The following AVEN variants were observed in gnomAD, a reference collection of about 807,000 sequenced individuals.
AVEN encodes the protein apoptosis and caspase activation inhibitor, also known as cell death regulator Aven.
A neutral mutation model predicts 38.1 loss-of-function variants in AVEN; 41 were observed. That is an observed-to-expected ratio of 1.08 (90% CI 0.84 to 1.40). The LOEUF is 1.40. AVEN is among the 40% of genes most tolerant of loss of function. The pLI, the probability that AVEN is intolerant of heterozygous loss-of-function variation, is 0.00. For missense variants in AVEN, 605 were observed against 438.8 expected, an observed-to-expected ratio of 1.38 and a Z score of -3.38; for synonymous variants, 206 against 171.8, an observed-to-expected ratio of 1.20 and a Z score of -1.56.
At chr15:33,966,641 T>C (rs1351000971) in intron 2 of AVEN, among the ~76,000 whole-genome samples, 1 of 83,040 alleles carries the variant, frequency 1.2e-5, no homozygotes, top group Non-Finnish European at 2.4e-5. Context: ...TTCTCTTTCA[T>C]CCAGCCAATT....
intron 2 of AVEN, among the ~76,000 whole-genome samples, chr15:33,878,212 T>G (rs1166788607): frequency 6.6e-6 from 1 of 152,206 alleles, no homozygotes; most frequent in African/African-American, 2.4e-5. Context: ...TTTTTTAAAA[T>G]ATATGAAACG....
At chr15:33,871,180 A>C (rs1379123871) in intron 3 of AVEN, 150 bp from the exon 4 acceptor site, 2 of 442,534 alleles carry the variant, frequency 4.5e-6, no homozygotes, top group Non-Finnish European at 7.5e-6. Flanking sequence ...GAGTTTCTGC[A>C]TCTCCACATT....
intron 1 of AVEN, among the ~76,000 whole-genome samples, chr15:34,010,735 T>C (rs1369260874): frequency 6.6e-6 from 1 of 152,212 alleles, no homozygotes; most frequent in Admixed American, 6.5e-5. Context: ...TGATTACTAA[T>C]GTCAAATATT....
intron 2 of AVEN, among the ~76,000 whole-genome samples, chr15:34,002,165 T>A (rs1391523456): frequency 6.6e-6 from 1 of 152,108 alleles, no homozygotes; most frequent in East Asian, 1.9e-4. Flanking sequence ...CTTATTCAAA[T>A]TTATTCATAC....
At chr15:34,014,735 T>C (rs907307752) in intron 1 of AVEN, among the ~76,000 whole-genome samples, 1 of 152,114 alleles carries the variant, frequency 6.6e-6, no homozygotes, top group Non-Finnish European at 1.5e-5. Context: ...CTAAATATGT[T>C]GGGTCTACTC....
rs571966690 is a variant in AVEN at position 33,860,685 on chromosome 15, C to G, written n.2730-1591G>C. The G allele has an allele frequency of 6.7e-6, 10 of 1,496,216 alleles. No homozygotes were observed. The South Asian group carries it at 1.2e-4, about 18-fold the overall frequency. The allele number at this position is 1,496,216 out of a possible 1,614,324, so 92.7% of individuals were successfully genotyped here. On this transcript the variant is annotated intron_variant and non_coding_transcript_variant, in intron 11 of 11. Coordinates refer to the AVEN transcript ENST00000675287. ...GTAATGTTACTCTAACTACTAATCCCAGCTCTATTTTAATATCCCCAGAAG... is the reference window on the plus strand; with the variant it reads ...GTAATGTTACTCTAACTACTAATCCGAGCTCTATTTTAATATCCCCAGAAG...
At chr15:33,906,712 G>A (rs559417658) in intron 2 of AVEN, among the ~76,000 whole-genome samples, 1 of 152,294 alleles carries the variant, frequency 6.6e-6, no homozygotes, top group Admixed American at 6.5e-5. Flanking sequence ...TAACATGGTG[G>A]TTGCCAGGGG....
intron 2 of AVEN, among the ~76,000 whole-genome samples, chr15:33,961,289 G>A (rs968426442): frequency 6.6e-6 from 1 of 152,114 alleles, no homozygotes; most frequent in Non-Finnish European, 1.5e-5. Flanking sequence ...GATTACAGGC[G>A]TGAGCCACCA....
chr15:33,854,446 C>A, downstream of AVEN: 1 of 1,571,382 alleles, frequency 6.4e-7, no homozygotes, highest in Non-Finnish European at 8.6e-7. Context: ...TTTTTACTGA[C>A]AACGTAAGTA....
chr15:33,864,582 C>T (rs939950653), downstream of AVEN, among the ~76,000 whole-genome samples: 2 of 151,224 alleles, frequency 1.3e-5, no homozygotes, highest in African/African-American at 4.8e-5. Context: ...ACACAGGAGC[C>T]TGGAGGTGTG....
intron 2 of AVEN, among the ~76,000 whole-genome samples, chr15:33,887,428 C>T (rs1891750106): frequency 6.6e-6 from 1 of 152,094 alleles, no homozygotes; most frequent in African/African-American, 2.4e-5. Flanking sequence ...GGGTAAAATT[C>T]TAGTTTCCAG....
At chr15:33,876,239 T>C (rs757180880) in intron 2 of AVEN, among the ~76,000 whole-genome samples, 24 of 152,184 alleles carry the variant, frequency 1.6e-4, no homozygotes, top group Non-Finnish European at 2.8e-4. Context: ...ATAAAATCAC[T>C]ACTCTTAGTC....
chr15:33,909,672 A>G (rs1892844300), intron 2 of AVEN, among the ~76,000 whole-genome samples: 1 of 152,252 alleles, frequency 6.6e-6, no homozygotes, highest in South Asian at 2.1e-4. Context: ...CCAAGCTACC[A>G]GTTAAAAAAC....
At chr15:33,996,525 C>A (rs1896944323) in intron 2 of AVEN, among the ~76,000 whole-genome samples, 1 of 152,216 alleles carries the variant, frequency 6.6e-6, no homozygotes, top group Non-Finnish European at 1.5e-5. Context: ...GCAATATTTG[C>A]TGTTCTGCAG....
intron 1 of AVEN, among the ~76,000 whole-genome samples, chr15:34,027,335 C>T (rs1327086878): frequency 2.0e-5 from 3 of 151,658 alleles, no homozygotes; most frequent in African/African-American, 7.3e-5. Context: ...GCCAACATGG[C>T]GAAACTCTGT....
chr15:33,950,752 T>C (rs1431895374), intron 2 of AVEN, among the ~76,000 whole-genome samples: 1 of 152,200 alleles, frequency 6.6e-6, no homozygotes, highest in East Asian at 1.9e-4. Flanking sequence ...ACACCTGTAA[T>C]CTCAGCACTT....
rs1890505609 is a variant in AVEN, at chr15:33,866,427, C to CAA, written c.*184_*185dup. On this transcript the variant is annotated 3_prime_UTR_variant, in exon 6 of 6. Transcript: ENST00000306730. ...GATTACTAAGCCAGAAAAACAAATG[C>CAA]AACAAGCTGCTTCAATGTATTCTTT... 1 of 587,200 alleles carries CAA rather than the reference C, an allele frequency of 1.7e-6. No homozygotes were observed. The highest frequency in any genetic ancestry group is 3.0e-6 in the Non-Finnish European group (1 of 331,768). 36.4% of individuals were successfully genotyped at this position (587,200 alleles called of 1,614,324 possible). A position where few individuals can be genotyped will look rare whatever the true frequency, so the allele number is the denominator to read the frequency against.
chr15:33,924,523 T>C (rs1302085223), intron 2 of AVEN, among the ~76,000 whole-genome samples: 1 of 152,172 alleles, frequency 6.6e-6, no homozygotes, highest in Non-Finnish European at 1.5e-5. Flanking sequence ...GGTTTTGCCA[T>C]GTTGCCCAGA....
intron 1 of AVEN, chr15:34,007,140 C>T (rs944792307): frequency 6.7e-5 from 48 of 716,492 alleles, no homozygotes; most frequent in Non-Finnish European, 4.8e-5. Context: ...AAACTACTGC[C>T]GAGCTATTAT....
Sources: allele counts gnomAD v4.1 joint callset (sites outside exome capture counted in the v4.1 genomes callset), GRCh38; gene constraint gnomAD v4.1.1; transcripts MANE v1.5; gene names NCBI Gene and HGNC (gene_info 2026-07-23, HGNC 2026-07-21).